Variants in VTI1B observed in about 807,000 individuals in gnomAD.
The protein encoded by VTI1B is vesicle transport through interaction with t-SNAREs homolog 1B.
A neutral mutation model predicts 28.6 loss-of-function variants in VTI1B; 18 were observed. That is an observed-to-expected ratio of 0.63 (90% CI 0.43 to 0.93). The LOEUF (loss-of-function observed/expected upper bound fraction) is 0.93, where lower values mean the gene tolerates loss of function less well. Ranked by LOEUF, VTI1B falls within the 40% of genes least tolerant of loss-of-function variation. The probability of loss-of-function intolerance (pLI) is 0.00; values close to 1 mark genes in which losing one functional copy is unlikely to be tolerated. For synonymous variants in VTI1B, 100 were observed against 107.9 expected, an observed-to-expected ratio of 0.93 and a Z score of 0.46; for missense variants, 283 against 297.0, an observed-to-expected ratio of 0.95 and a Z score of 0.35.
chr14:67,673,742 T>C (rs1047879551), intron 1 of VTI1B, among the ~76,000 whole-genome samples: 34 of 152,228 alleles, frequency 2.2e-4, no homozygotes, highest in Non-Finnish European at 4.3e-4. Flanking sequence ...CCAAGAACTA[T>C]AGCAGCTTTT....
intron 1 of VTI1B, among the ~76,000 whole-genome samples, chr14:67,672,447 C>CTTTTTTT (rs764198286): frequency 1.9e-4 from 22 of 116,808 alleles, no homozygotes; most frequent in Non-Finnish European, 3.0e-4. Flanking sequence ...CTTTTCTTTT[C>CTTTTTTT]TTTTTTTTTT....
intron 4 of VTI1B, among the ~76,000 whole-genome samples, chr14:67,653,942 AAG>A (rs2037221331): frequency 6.6e-6 from 1 of 152,098 alleles, no homozygotes; most frequent in Non-Finnish European, 1.5e-5. Flanking sequence ...TTACCCTCTT[AAG>A]AGACAGTTAC....
chr14:67,668,712 A>G (rs2037431731), intron 1 of VTI1B, among the ~76,000 whole-genome samples: 1 of 152,220 alleles, frequency 6.6e-6, no homozygotes, highest in South Asian at 2.1e-4. Context: ...TTTCACACTT[A>G]GCCTTCATCA....
In VTI1B at chr14:67,674,560, G is replaced by A. The variant is rs1013973446; in HGVS notation, c.-71C>T. 7.2e-7 allele frequency: 1 copy of A among 1,389,934 alleles called. No individual in the cohort carries two copies. The highest frequency in any genetic ancestry group is 1.5e-5 in the African/African-American group (1 of 67,592). The allele number at this position is 1,389,934 out of a possible 1,614,324, so 86.1% of individuals were successfully genotyped here. A position where few individuals can be genotyped will look rare whatever the true frequency, so the allele number is the denominator to read the frequency against. ...GGGCCCTTTCCTAGCCCGGCGGTCA[G>A]CCGCCCAGCCCAGTGGCCATAACGG... On this transcript the variant is annotated 5_prime_UTR_variant, in exon 1 of 6. Coordinates refer to ENST00000554659, the MANE Select transcript of VTI1B (RefSeq NM_006370.3).
rs1288789376 is a variant in VTI1B at position 67,659,761 on chromosome 14, A to G, written c.336T>C (p.Tyr112=). The G allele has an allele frequency of 1.1e-5, 17 of 1,613,572 alleles. No homozygotes were observed. The highest frequency in any genetic ancestry group is 1.4e-5 in the Non-Finnish European group (17 of 1,179,862). The change falls in exon 3 of 6, where the codon TAT becomes TAC. Residue 112 remains tyrosine, a synonymous_variant. Coordinates refer to ENST00000554659, the MANE Select transcript of VTI1B (RefSeq NM_006370.3). ...GCTCATTCTCTACAGCATATATGCCATATTTCATGTCTCCTCGGCCTCCAG... is the reference window on the plus strand; with the variant it reads ...GCTCATTCTCTACAGCATATATGCCGTATTTCATGTCTCCTCGGCCTCCAG... ...ATPGGRGDMK[Y]GIYAVENEHM...
chr14:67,667,804 C>A (rs189979048), intron 1 of VTI1B, among the ~76,000 whole-genome samples: 10 of 152,008 alleles, frequency 6.6e-5, no homozygotes, highest in Non-Finnish European at 1.2e-4. Flanking sequence ...CTTAGCCCGG[C>A]GTGGTGGTGG....
At chr14:67,667,260 A>C (rs944208904) in intron 1 of VTI1B, among the ~76,000 whole-genome samples, 2 of 152,220 alleles carry the variant, frequency 1.3e-5, no homozygotes, top group Non-Finnish European at 2.9e-5. Context: ...AAGAATGCCT[A>C]ATCTTGGCCC....
chr14:67,652,376 A>G (rs17104547), intron 5 of VTI1B: 6,466 of 174,358 alleles, frequency 0.037, 393 homozygotes, highest in African/African-American at 0.13. Context: ...AGTCAATCCC[A>G]TTTCTTGGGA....
At chr14:67,672,683 T>C (rs12881800) in intron 1 of VTI1B, among the ~76,000 whole-genome samples, 18,981 of 151,608 alleles carry the variant, frequency 0.13, 1,441 homozygotes, top group South Asian at 0.33. Context: ...CCTCAAGTGA[T>C]CCGCCCGCCT....
Position 67,651,432 on chromosome 14 carries a change from C to G in VTI1B, c.652G>C (p.Ala218Pro), listed in dbSNP as rs780495647. The G allele has an allele frequency of 6.2e-7, 1 of 1,613,816 alleles. No homozygotes were observed. Among genetic ancestry groups the G allele is most frequent in the African/African-American group, 1.3e-5 (1 of 74,932 alleles). ...LLSIIILLELAILGGLVYYKF... is the reference protein window; with the variant it reads ...LLSIIILLELPILGGLVYYKF... ...TAGTAAACCAGGCCTCCCAGGATGG[C>G]GAGCTCCAGTAAGATGATAATGGAA... is the stretch of plus-strand genomic sequence containing the variant. Residue 218 changes from alanine to proline, a missense_variant, in exon 6 of 6, where the codon GCC becomes CCC. Coordinates refer to ENST00000554659, the MANE Select transcript of VTI1B (RefSeq NM_006370.3).
chr14:67,647,122 G>A lies in VTI1B; in HGVS notation c.*4263C>T. 2.5e-6 allele frequency: 2 copies of A among 794,722 alleles called. No homozygotes were observed. Among genetic ancestry groups the A allele is most frequent in the Admixed American group, 4.7e-5 (2 of 42,616 alleles). The allele number at this position is 794,722 out of a possible 1,614,324, so 49.2% of individuals were successfully genotyped here. On this transcript the variant is annotated 3_prime_UTR_variant, in exon 6 of 6. Transcript: ENST00000554659. ...AGCAGCTTTACTTTTAAAATACAAA[G>A]CAAAAACATACACATAATTTTAAAT...
Position 67,659,984 on chromosome 14 carries a change from G to A in VTI1B, c.175-62C>T, listed in dbSNP as rs2037315891. The stretch of plus-strand genomic sequence containing the variant: ...TCTTCCCTCACTCATTTGGAAATAT[G>A]CCTAGTTTGGACTAATCAAACTACT... On this transcript the variant is annotated intron_variant, in intron 2 of 5. Coordinates refer to ENST00000554659, the MANE Select transcript of VTI1B (RefSeq NM_006370.3). The A allele has an allele frequency of 4.0e-6, 6 of 1,512,406 alleles. No homozygotes were observed. In the South Asian group the frequency reaches 7.4e-5, roughly 19 times the overall value. The allele number at this position is 1,512,406 out of a possible 1,614,324, so 93.7% of individuals were successfully genotyped here. A position where few individuals can be genotyped will look rare whatever the true frequency, so the allele number is the denominator to read the frequency against.
rs1210308448 is a variant in VTI1B, at chr14:67,650,676, C to G, written c.*709G>C. The G allele has an allele frequency of 7.6e-6, 12 of 1,586,586 alleles. No homozygotes were observed. Among genetic ancestry groups the G allele is most frequent in the Non-Finnish European group, 1.0e-5 (12 of 1,156,658 alleles). ...GGATGACCCTCACTGAGAGTAGCAG[C>G]AAGGGAACCTGAGGTTTTGTCACAC... On this transcript the variant is annotated 3_prime_UTR_variant, in exon 6 of 6. Transcript: ENST00000554659.
At chr14:67,667,821 G>A (rs2037419941) in intron 1 of VTI1B, among the ~76,000 whole-genome samples, 1 of 152,086 alleles carries the variant, frequency 6.6e-6, no homozygotes, top group African/African-American at 2.4e-5. Flanking sequence ...GTGGGCGCCT[G>A]TAGTCCCAGC....
intron 3 of VTI1B, among the ~76,000 whole-genome samples, chr14:67,657,752 T>C: frequency 3.1e-5 from 1 of 32,054 alleles, no homozygotes; most frequent in South Asian, 2.0e-3. Context: ...TCTTTCTTTC[T>C]TTTTTTTTTT....
intron 3 of VTI1B, among the ~76,000 whole-genome samples, chr14:67,657,587 C>T (rs79583045): frequency 0.012 from 1,763 of 142,934 alleles, 21 homozygotes; most frequent in Non-Finnish European, 0.02. Flanking sequence ...GTTCAAAGCA[C>T]GCGCGCGCGT....
At chr14:67,661,118 G>T (rs2037327971) in intron 2 of VTI1B, among the ~76,000 whole-genome samples, 1 of 151,978 alleles carries the variant, frequency 6.6e-6, no homozygotes, top group African/African-American at 2.4e-5. Context: ...GGCCAAAAGA[G>T]AATTTTTTCT....
chr14:67,661,472 T>A (rs1417391498), intron 2 of VTI1B, among the ~76,000 whole-genome samples: 1 of 151,226 alleles, frequency 6.6e-6, no homozygotes, highest in African/African-American at 2.4e-5. Context: ...GGGACATGGT[T>A]AGAATTACCT....
At chr14:67,652,133 G>A (rs573531522) in intron 5 of VTI1B, among the ~76,000 whole-genome samples, 134 of 152,282 alleles carry the variant, frequency 8.8e-4, no homozygotes, top group African/African-American at 2.9e-3. Flanking sequence ...CCAAGGTCAC[G>A]TACAATACCC....
Sources: gnomAD v4.1 joint callset for allele counts (sites outside exome capture counted in the v4.1 genomes callset) on GRCh38, gnomAD v4.1.1 for gene constraint, MANE v1.5 for transcripts, NCBI Gene and HGNC (gene_info 2026-07-23, HGNC 2026-07-21) for gene names.